The following ZDHHC14 variants were observed in gnomAD, a reference collection of about 807,000 sequenced individuals.
ZDHHC14 encodes palmitoyltransferase ZDHHC14.
In ZDHHC14, 16 loss-of-function variants were observed where a neutral mutation model predicts 47.7. That is an observed-to-expected ratio of 0.34 (90% CI 0.23 to 0.51). ZDHHC14 has a LOEUF of 0.51. Ranked by LOEUF, ZDHHC14 falls within the 20% of genes least tolerant of loss-of-function variation. The pLI, the probability that ZDHHC14 is intolerant of heterozygous loss-of-function variation, is 0.97. For synonymous variants in ZDHHC14, 293 were observed against 278.9 expected, an observed-to-expected ratio of 1.05 and a Z score of -0.50; for missense variants, 515 against 662.5, an observed-to-expected ratio of 0.78 and a Z score of 2.44.
At chr6:157,628,790 A>G (rs1175623736) in intron 4 of ZDHHC14, among the ~76,000 whole-genome samples, 1 of 151,880 alleles carries the variant, frequency 6.6e-6, no homozygotes, top group Non-Finnish European at 1.5e-5. Flanking sequence ...CCCTATTCCA[A>G]CCTCAGTGAC....
rs35358008 is a variant in ZDHHC14 at position 157,653,609 on chromosome 6, G to T, written c.1050G>T (p.Thr350=). The T allele has an allele frequency of 6.7e-3, 10,849 of 1,613,460 alleles. 612 individuals carry two copies. The African/African-American group carries it at 0.13, about 19-fold the overall frequency. ...PSNGITMYGA[T]QSQSDMCDQD... ...ATGGCATCACCATGTACGGGGCCACGCAGTCACAGAGTGACATGGTAGGAG... is the reference window on the plus strand; with the variant it reads ...ATGGCATCACCATGTACGGGGCCACTCAGTCACAGAGTGACATGGTAGGAG... The change falls in exon 8 of 9, where the codon ACG becomes ACT. Residue 350 remains threonine (T), a synonymous_variant. Transcript: ENST00000359775.
chr6:157,483,057 G>C (rs1403242161), intron 1 of ZDHHC14, among the ~76,000 whole-genome samples: 1 of 152,154 alleles, frequency 6.6e-6, no homozygotes, highest in African/African-American at 2.4e-5. Flanking sequence ...AATAATTTTA[G>C]AGTGAATCCA....
At chr6:157,383,435 G>T (rs1421750139) in intron 1 of ZDHHC14, among the ~76,000 whole-genome samples, 3 of 152,106 alleles carry the variant, frequency 2.0e-5, no homozygotes, top group Admixed American at 6.5e-5. Context: ...ATTTACTTTT[G>T]TTTCTGATTA....
At chr6:157,544,447 A>T (rs1781888036) in intron 2 of ZDHHC14, among the ~76,000 whole-genome samples, 1 of 152,196 alleles carries the variant, frequency 6.6e-6, no homozygotes, top group African/African-American at 2.4e-5. Flanking sequence ...CAGGAGTTTG[A>T]GACCAGCCTG....
At position 157,579,201 on chromosome 6, in the gene ZDHHC14, T is replaced by G. The variant is rs1175445843; in HGVS notation, c.407-13787T>G. Among the ~76,000 whole-genome samples the G allele has an allele frequency of 5.6e-5, 7 of 125,102 alleles. No homozygotes were observed. In the South Asian group the frequency reaches 1.3e-3, roughly 24 times the overall value. 82.1% of individuals were successfully genotyped at this position (125,102 alleles called of 152,430 possible). On this transcript the variant is annotated intron_variant, in intron 2 of 8. Coordinates refer to ENST00000359775, the MANE Select transcript of ZDHHC14 (RefSeq NM_024630.3). Reference sequence around the variant, plus strand: ...GATATTGATTCTGTGTTTTTTTTTTTTTTTTTTTTTTTTTTGGATGGAGTC... The same window carrying G: ...GATATTGATTCTGTGTTTTTTTTTTGTTTTTTTTTTTTTTTGGATGGAGTC...
At chr6:157,395,365 T>C (rs1486656813) in intron 1 of ZDHHC14, among the ~76,000 whole-genome samples, 1 of 150,080 alleles carries the variant, frequency 6.7e-6, no homozygotes, top group Non-Finnish European at 1.5e-5. Flanking sequence ...GGGGTCTCAC[T>C]ATGTTGCCCA....
intron 1 of ZDHHC14, among the ~76,000 whole-genome samples, chr6:157,430,901 G>A: frequency 6.6e-6 from 1 of 152,228 alleles, no homozygotes; most frequent in East Asian, 1.9e-4. Context: ...AGATAAGATA[G>A]TCATCTCTGG....
Position 157,599,204 on chromosome 6 carries a change from G to A in ZDHHC14, c.565+6058G>A, listed in dbSNP as rs1340722000. On this transcript the variant is annotated intron_variant, in intron 3 of 8. Coordinates refer to ENST00000359775, the MANE Select transcript of ZDHHC14 (RefSeq NM_024630.3). ...AAGAGGAATGAACCAGAAGACTGTC[G>A]GGTTGCCGGTAGAATCAACAAGGAG... 2.0e-5 allele frequency among the ~76,000 whole-genome samples: 3 copies of A among 152,136 alleles called. 1 individual carries two copies. Among genetic ancestry groups the A allele is most frequent in the African/African-American group, 4.8e-5 (2 of 41,416 alleles).
rs10692552 is a variant in ZDHHC14 at position 157,504,783 on chromosome 6, GTGTTTTGTTT to G, written c.246-37766_246-37757del. On this transcript the variant is annotated intron_variant, in intron 1 of 8. Transcript: ENST00000359775. Reference sequence around the variant, plus strand: ...AAGACTACATGCAGTAAAATACCATGTGTTTTGTTTTGTTTTGTTTTGTTTTGTTTTGTTT... The same window carrying G: ...AAGACTACATGCAGTAAAATACCATGTGTTTTGTTTTGTTTTGTTTTGTTT... Among the ~76,000 whole-genome samples the G allele has an allele frequency of 9.4e-4, 141 of 149,314 alleles. 1 individual carries two copies. Among genetic ancestry groups the G allele is most frequent in the East Asian group, 6.4e-3 (32 of 5,016 alleles).
In ZDHHC14 at chr6:157,515,457, CTT is replaced by C. The variant is rs1187323622; in HGVS notation, c.246-27108_246-27107del. ...TTCATTTCTCTTTCTTTTTCTTTTT[CTT>C]TTTTTTTTTTTTTTTTTTTGGAGAC... On this transcript the variant is annotated intron_variant, in intron 1 of 8. Coordinates refer to ENST00000359775, the MANE Select transcript of ZDHHC14 (RefSeq NM_024630.3). Among the ~76,000 whole-genome samples, 31 of 129,464 alleles carry C rather than the reference CTT, an allele frequency of 2.4e-4. 2 individuals are homozygous for C. The highest frequency in any genetic ancestry group is 2.8e-4 in the Non-Finnish European group (17 of 59,806). 84.9% of individuals were successfully genotyped at this position (129,464 alleles called of 152,430 possible).
chr6:157,649,673 C>T (rs1469360310), intron 7 of ZDHHC14, among the ~76,000 whole-genome samples: 2 of 152,224 alleles, frequency 1.3e-5, no homozygotes, highest in African/African-American at 2.4e-5. Flanking sequence ...AGAGAGAGTT[C>T]TTGTGTTCCC....
intron 3 of ZDHHC14, among the ~76,000 whole-genome samples, chr6:157,616,903 G>A (rs1784988162): frequency 6.6e-6 from 1 of 152,188 alleles, no homozygotes; most frequent in African/African-American, 2.4e-5. Flanking sequence ...AAGGACCTCT[G>A]ATGGGGAGTG....
chr6:157,513,219 G>A (rs1416598949), intron 1 of ZDHHC14, among the ~76,000 whole-genome samples: 1 of 152,226 alleles, frequency 6.6e-6, no homozygotes, highest in Admixed American at 6.5e-5. Context: ...TTCTCTGTAA[G>A]ATGAAAACAA....
chr6:157,596,544 GCTTT>G (rs1376584594), intron 3 of ZDHHC14, among the ~76,000 whole-genome samples: 3 of 152,176 alleles, frequency 2.0e-5, no homozygotes, highest in Non-Finnish European at 4.4e-5. Context: ...CTGAGAAAGA[GCTTT>G]CTCTGGTCAA....
At chr6:157,627,660 G>A (rs1240797563) in intron 3 of ZDHHC14, among the ~76,000 whole-genome samples, 1 of 152,218 alleles carries the variant, frequency 6.6e-6, no homozygotes, top group African/African-American at 2.4e-5. Context: ...GAAGATGGGA[G>A]CAGCTCTGAA....
chr6:157,552,319 C>A (rs535227972), intron 2 of ZDHHC14, among the ~76,000 whole-genome samples: 2 of 152,064 alleles, frequency 1.3e-5, no homozygotes, highest in African/African-American at 4.8e-5. Context: ...AGATGAAACC[C>A]TTCATGCAGA....
intron 8 of ZDHHC14, among the ~76,000 whole-genome samples, chr6:157,661,153 A>C (rs1382360018): frequency 1.3e-5 from 2 of 152,052 alleles, no homozygotes; most frequent in Non-Finnish European, 2.9e-5. Context: ...TGACTTAGGC[A>C]TGTGGAATGT....
chr6:157,665,664 A>G (rs1460213387), intron 8 of ZDHHC14, among the ~76,000 whole-genome samples: 5 of 152,224 alleles, frequency 3.3e-5, no homozygotes, highest in African/African-American at 9.7e-5. Context: ...TTGCAGGTCA[A>G]AAAATTAGAT....
chr6:157,543,056 C>T (rs577549729), intron 2 of ZDHHC14, among the ~76,000 whole-genome samples: 22 of 152,278 alleles, frequency 1.4e-4, no homozygotes, highest in African/African-American at 4.6e-4. Flanking sequence ...GCCTCCACCC[C>T]GAGAGATTAC....
Sources: allele counts gnomAD v4.1 joint callset (sites outside exome capture counted in the v4.1 genomes callset), GRCh38; gene constraint gnomAD v4.1.1; transcripts MANE v1.5; gene names NCBI Gene and HGNC (gene_info 2026-07-23, HGNC 2026-07-21).